The following CELSR2 variants were observed in gnomAD, a reference collection of about 807,000 sequenced individuals.
CELSR2 encodes cadherin EGF LAG seven-pass G-type receptor 2, also known as EGF-like protein 2.
CELSR2 carries 81 observed loss-of-function variants against 251.6 expected under a neutral mutation model. The ratio of observed to expected loss-of-function variants is 0.32; its 90% CI spans 0.27 to 0.39. The LOEUF is 0.39. Ranked by LOEUF, CELSR2 falls within the 10% of genes least tolerant of loss-of-function variation. CELSR2 has a pLI of 1.00. For synonymous variants in CELSR2, 1,721 were observed against 1,670.5 expected (o/e 1.03, Z -0.74); for missense variants, 3,365 against 3,947.7 (o/e 0.85, Z 3.96).
intron 28 of CELSR2, among the ~76,000 whole-genome samples, chr1:109,272,069 C>T (rs1004453399): frequency 2.0e-5 from 3 of 152,164 alleles, no homozygotes; most frequent in African/African-American, 7.2e-5. Flanking sequence ...TCCAGGATCC[C>T]TGGGGGCATG....
Position 109,249,551 on chromosome 1 carries a change from C to CG in CELSR2, c.-528dup, listed in dbSNP as rs1366782910. On this transcript the variant is annotated 5_prime_UTR_variant, in exon 1 of 34. Transcript: ENST00000271332. ...CCGCCGCGACTCTGCAGAGCTCGCC[C>CG]GCCCGCCGGGGAGGCGAGGGAGCGC... Among the ~76,000 whole-genome samples, 1 of 150,514 alleles carries CG rather than the reference C, an allele frequency of 6.6e-6. No homozygotes were observed. The highest frequency in any genetic ancestry group is 1.5e-5 in the Non-Finnish European group (1 of 67,526).
In CELSR2 at chr1:109,263,109, C is replaced by G. The variant is rs1570785028; in HGVS notation, c.4709-33C>G. 35 of 1,586,364 alleles carry G rather than the reference C, an allele frequency of 2.2e-5. No homozygotes were observed. In the East Asian group the frequency reaches 7.7e-4, roughly 35 times the overall value. On this transcript the variant is annotated intron_variant, in intron 7 of 33. Coordinates refer to ENST00000271332, the MANE Select transcript of CELSR2 (RefSeq NM_001408.3). ...AGGCTTTCTCTTTAGAGCCCCAGCT[C>G]AGGTCCACTGAGCTGCCTTCTCTCC...
At chr1:109,254,005 T>G (rs1570777052) in intron 1 of CELSR2, among the ~76,000 whole-genome samples, 1 of 152,188 alleles carries the variant, frequency 6.6e-6, no homozygotes, top group East Asian at 1.9e-4. Flanking sequence ...TGGCTCCCCC[T>G]TCAGAGCTCC....
chr1:109,254,074 G>C (rs945532300), intron 1 of CELSR2, among the ~76,000 whole-genome samples: 1 of 152,228 alleles, frequency 6.6e-6, no homozygotes. Flanking sequence ...TTCAGAGTCC[G>C]TGGTTCGGGT....
Position 109,269,001 on chromosome 1 carries a change from C to G in CELSR2, c.6624C>G (p.Val2208=). 1 of 1,611,106 alleles carries G rather than the reference C, an allele frequency of 6.2e-7. No individual in the cohort carries two copies. Among genetic ancestry groups the G allele is most frequent in the Non-Finnish European group, 8.5e-7 (1 of 1,177,858 alleles). The part of the protein sequence containing the change: ...LETTVILPES[V]FRETPPVVRP... Reference sequence around the variant, plus strand: ...CAACAGTCATTCTGCCTGAGTCTGTCTTCAGAGGTCAGTGGTGGCCATGGA... The same window carrying G: ...CAACAGTCATTCTGCCTGAGTCTGTGTTCAGAGGTCAGTGGTGGCCATGGA... Residue 2208 remains valine, a synonymous_variant, in exon 19 of 34, where the codon GTC becomes GTG. Transcript: ENST00000271332. The surrounding 1 kb of genome is among the most constrained non-coding windows in gnomAD (Gnocchi z 6.4).
chr1:109,271,153 C>T (rs1349392014), intron 25 of CELSR2, 64 bp from the exon 26 acceptor site: 69 of 1,563,236 alleles, frequency 4.4e-5, no homozygotes, highest in Non-Finnish European at 1.1e-5. Flanking sequence ...GCCACGGGGC[C>T]CTGTGGGCTG....
At position 109,270,042 on chromosome 1, in the gene CELSR2, C is replaced by G; in HGVS notation, c.7217C>G (p.Ser2406Cys). Residue 2406 changes from serine (S) to cysteine (C), a missense_variant, in exon 23 of 34, where the codon TCC becomes TGC. Around this residue, in one of 5 missense-constraint regions of CELSR2, gnomAD observed 2,093 missense variants for 2,382.8 expected, o/e 0.88. Coordinates refer to ENST00000271332, the MANE Select transcript of CELSR2 (RefSeq NM_001408.3). Reference protein sequence around the residue: ...FFLTLLRILRSNQHGIRRNLT... With the variant: ...FFLTLLRILRCNQHGIRRNLT... ...CTCACTCTCTTGCGTATCCTGCGCT[C>G]CAACCAACACGGCATCCGACGTAAC... The G allele has an allele frequency of 6.2e-7, 1 of 1,614,126 alleles. No homozygotes were observed. Among genetic ancestry groups the G allele is most frequent in the Non-Finnish European group, 8.5e-7 (1 of 1,180,020 alleles).
chr1:109,268,320 G>GC (rs1656262950), intron 17 of CELSR2, among the ~76,000 whole-genome samples: 1 of 152,262 alleles, frequency 6.6e-6, no homozygotes, highest in South Asian at 2.1e-4. Flanking sequence ...GGAGGAAGCA[G>GC]TATCTCAGGA....
At position 109,252,336 on chromosome 1, in the gene CELSR2, G is replaced by A; in HGVS notation, c.2257G>A (p.Asp753Asn). 1 of 1,613,080 alleles carries A rather than the reference G, an allele frequency of 6.2e-7. No individual in the cohort carries two copies. The highest frequency in any genetic ancestry group is 1.3e-5 in the African/African-American group (1 of 75,066). ...TGCCCGCATCACCTACTTCATGGAG[G>A]ACAGCATCCCCCAGTTCCGCATCGA... ...ENARITYFME[D>N]SIPQFRIDAD... Residue 753 changes from aspartate (D) to asparagine (N), a missense_variant, in exon 1 of 34, where the codon GAC (aspartate) becomes AAC (asparagine). Around this residue, in one of 5 missense-constraint regions of CELSR2, gnomAD observed 505 missense variants for 660.0 expected, o/e 0.77. Transcript: ENST00000271332. The surrounding 1 kb of genome is among the most constrained non-coding windows in gnomAD (Gnocchi z 4.8).
At position 109,250,933 on chromosome 1, in the gene CELSR2, A is replaced by G. The variant is rs991130687; in HGVS notation, c.854A>G (p.His285Arg). 8.1e-6 allele frequency: 13 copies of G among 1,613,706 alleles called. No individual in the cohort carries two copies. The highest frequency in any genetic ancestry group is 2.2e-5 in the South Asian group (2 of 91,086). The part of the protein sequence containing the change: ...LTILVTDTND[H>R]DPVFEQQEYK... The stretch of plus-strand genomic sequence containing the variant: ...ATCTTGGTTACTGACACCAATGACC[A>G]TGACCCTGTGTTCGAGCAGCAGGAG... The change falls in exon 1 of 34, where the codon CAT (histidine) becomes CGT (arginine). Residue 285 changes from histidine to arginine, a missense_variant. His to Arg is a conservative substitution (Grantham distance 29). Coordinates refer to ENST00000271332, the MANE Select transcript of CELSR2 (RefSeq NM_001408.3). The surrounding 1 kb of genome is among the most constrained non-coding windows in gnomAD (Gnocchi z 4.4).
Position 109,253,093 on chromosome 1 carries a change from G to A in CELSR2, c.3014G>A (p.Ser1005Asn). The A allele has an allele frequency of 6.2e-7, 1 of 1,613,702 alleles. No homozygotes were observed. The highest frequency in any genetic ancestry group is 8.5e-7 in the Non-Finnish European group (1 of 1,180,032). The change falls in exon 1 of 34, where the codon AGC (serine) becomes AAC (asparagine). Residue 1005 changes from serine (S) to asparagine (N), a missense_variant. By Grantham distance (46) the Ser-to-Asn change is conservative (BLOSUM62 1). Transcript: ENST00000271332. ...VIQATSAPLV[S>N]RATVHVRLLD... Reference sequence around the variant, plus strand: ...CAGGCCACGTCAGCTCCTCTGGTGAGCCGGGCTACAGTCCACGTCCGCCTC... The same window carrying A: ...CAGGCCACGTCAGCTCCTCTGGTGAACCGGGCTACAGTCCACGTCCGCCTC...
chr1:109,251,646 C>T lies in CELSR2; in HGVS notation c.1567C>T (p.Leu523=). The T allele has an allele frequency of 6.2e-7, 1 of 1,613,902 alleles. No individual in the cohort carries two copies. Among genetic ancestry groups the T allele is most frequent in the South Asian group, 1.1e-5 (1 of 91,068 alleles). Residue 523 remains leucine (L), a synonymous_variant, in exon 1 of 34, where the codon CTG becomes TTG. Transcript: ENST00000271332. The surrounding 1 kb of genome is among the most constrained non-coding windows in gnomAD (Gnocchi z 4.9). ...TVLESVPLGY[L]VLHVQAIDAD... is the part of the protein sequence containing the mutation. ...CCTGGAGAGTGTCCCCTTAGGCTAC[C>T]TGGTTCTCCATGTCCAGGCTATCGA...
At chr1:109,268,186 G>A in intron 17 of CELSR2, 126 bp downstream of exon 17, 2 of 1,381,300 alleles carry the variant, frequency 1.4e-6, no homozygotes, top group East Asian at 5.0e-5. Context: ...CTGCTGGCAG[G>A]AGGCCTCCAT....
chr1:109,261,375 C>T lies in CELSR2; in HGVS notation c.4181+111C>T, dbSNP rs79891062. On this transcript the variant is annotated intron_variant, in intron 3 of 33. Coordinates refer to ENST00000271332, the MANE Select transcript of CELSR2 (RefSeq NM_001408.3). The surrounding 1 kb of genome is among the most constrained non-coding windows in gnomAD (Gnocchi z 4.8). Reference sequence around the variant, plus strand: ...GCAGTGAAAGCGTGGAGCAGGCTGCCGGCAGAGCCAGGTCTGCTCTTGGAG... The same window carrying T: ...GCAGTGAAAGCGTGGAGCAGGCTGCTGGCAGAGCCAGGTCTGCTCTTGGAG... The T allele has an allele frequency of 1.4e-3, 1,910 of 1,355,666 alleles. 40 individuals carry two copies. The East Asian group carries it at 0.037, about 27-fold the overall frequency. 84.0% of individuals were successfully genotyped at this position (1,355,666 alleles called of 1,614,324 possible).
chr1:109,265,725 C>G lies in CELSR2; in HGVS notation c.5728-10C>G. 6.2e-7 allele frequency: 1 copy of G among 1,603,884 alleles called. No homozygotes were observed. The highest frequency in any genetic ancestry group is 8.5e-7 in the Non-Finnish European group (1 of 1,171,906). Reference sequence around the variant, plus strand: ...CTGGCCAGTGACACCGTTCTTCCCTCCTTTCTCAGGAGAACCACTACCGGC... The same window carrying G: ...CTGGCCAGTGACACCGTTCTTCCCTGCTTTCTCAGGAGAACCACTACCGGC... On this transcript the variant is annotated splice_polypyrimidine_tract_variant and intron_variant, in intron 13 of 33. Transcript: ENST00000271332.
In CELSR2 at chr1:109,258,476, A is replaced by G. The variant is rs1244149562; in HGVS notation, c.3355A>G (p.Ile1119Val). Residue 1119 changes from isoleucine to valine, a missense_variant, in exon 2 of 34, where the codon ATC becomes GTC. By Grantham distance (29) the Ile-to-Val change is conservative. Around this residue, in one of 5 missense-constraint regions of CELSR2, gnomAD observed 505 missense variants for 660.0 expected, o/e 0.77. Transcript: ENST00000271332. ...CGCCCAGTGCGCGCTGCGTGTGACC[A>G]TCATCACCGATGAGATGCTCACCCA... is the stretch of plus-strand genomic sequence containing the variant. ...VTAQCALRVTIITDEMLTHSI... is the reference protein window; with the variant it reads ...VTAQCALRVTVITDEMLTHSI... 17 of 1,605,388 alleles carry G rather than the reference A, an allele frequency of 1.1e-5. No individual in the cohort carries two copies. Among genetic ancestry groups the G allele is most frequent in the Admixed American group, 1.7e-5 (1 of 59,250 alleles).
intron 29 of CELSR2, 93 bp downstream of exon 29, chr1:109,272,498 C>T: frequency 6.5e-7 from 1 of 1,530,548 alleles, no homozygotes; most frequent in Non-Finnish European, 8.9e-7. Context: ...GAGGAGCACA[C>T]ACTGTGGCTG....
intron 24 of CELSR2, 64 bp from the exon 25 acceptor site, chr1:109,270,863 C>G: frequency 1.6e-6 from 2 of 1,238,764 alleles, no homozygotes; most frequent in East Asian, 2.3e-5. Flanking sequence ...CCCACCTGCC[C>G]GCAGCCCTAC....
At position 109,251,338 on chromosome 1, in the gene CELSR2, G is replaced by A. The variant is rs373566231; in HGVS notation, c.1259G>A (p.Arg420Gln). 9.9e-6 allele frequency: 16 copies of A among 1,614,022 alleles called. No individual in the cohort carries two copies. The highest frequency in any genetic ancestry group is 1.6e-4 in the Middle Eastern group (1 of 6,084). The change falls in exon 1 of 34, where the codon CGA becomes CAA. Residue 420 changes from arginine (R) to glutamine (Q), a missense_variant. Physicochemically the swap from Arg to Gln is conservative, Grantham distance 43. Coordinates refer to ENST00000271332, the MANE Select transcript of CELSR2 (RefSeq NM_001408.3). The surrounding 1 kb of genome is among the most constrained non-coding windows in gnomAD (Gnocchi z 4.9). ...EDVTPGAPVL[R>Q]VTASDRDKGS... ...GTGACTCCAGGGGCCCCAGTACTCCGAGTCACAGCCTCGGATCGAGACAAG... is the reference window on the plus strand; with the variant it reads ...GTGACTCCAGGGGCCCCAGTACTCCAAGTCACAGCCTCGGATCGAGACAAG...
Sources: allele counts gnomAD v4.1 joint callset (sites outside exome capture counted in the v4.1 genomes callset), GRCh38; gene constraint gnomAD v4.1.1; regional missense constraint gnomAD v4.1.1; non-coding constraint Gnocchi (gnomAD v3.1); transcripts MANE v1.5; gene names NCBI Gene and HGNC (gene_info 2026-07-23, HGNC 2026-07-21).